DTHD1: variants seen among roughly 807,000 people sequenced by gnomAD.
DTHD1 encodes the protein death domain-containing protein 1.
Under a neutral mutation model 74.8 loss-of-function variants are expected in DTHD1, and 59 were observed. The ratio of observed to expected loss-of-function variants is 0.79; its 90% CI spans 0.64 to 0.98. DTHD1 has a LOEUF of 0.98. Among genes scored for constraint, DTHD1 ranks in the 50% least tolerant of loss-of-function variants. The pLI, the probability that DTHD1 is intolerant of heterozygous loss-of-function variation, is 0.00. For missense variants in DTHD1, 1,051 were observed against 1,065.4 expected (o/e 0.99, Z 0.19); for synonymous variants, 365 against 371.1 (o/e 0.98, Z 0.19).
chr4:36,328,437 G>A (rs894071460), intron 8 of DTHD1, among the ~76,000 whole-genome samples: 2 of 152,152 alleles, frequency 1.3e-5, no homozygotes, highest in Non-Finnish European at 2.9e-5. Context: ...CTGGTACTAC[G>A]ATCTTTTAAT....
chr4:36,286,709 T>C (rs1755734886), intron 2 of DTHD1, among the ~76,000 whole-genome samples: 1 of 152,246 alleles, frequency 6.6e-6, no homozygotes, highest in South Asian at 2.1e-4. Context: ...TATAGCCTAC[T>C]GCACGCTTAG....
intron 2 of DTHD1, among the ~76,000 whole-genome samples, chr4:36,286,064 T>C (rs929133820): frequency 3.9e-5 from 6 of 152,182 alleles, no homozygotes; most frequent in African/African-American, 7.2e-5. Flanking sequence ...GCCCATAAAA[T>C]GAAGAGGTGG....
chr4:36,322,999 G>A (rs1758129006), intron 8 of DTHD1, among the ~76,000 whole-genome samples: 1 of 152,164 alleles, frequency 6.6e-6, no homozygotes, highest in Non-Finnish European at 1.5e-5. Flanking sequence ...AACTTGGGTT[G>A]TGACTGCTTT....
rs1205367941 is a variant in DTHD1 at position 36,343,858 on chromosome 4, A to G, written c.*34A>G. On this transcript the variant is annotated 3_prime_UTR_variant, in exon 10 of 10. Transcript: ENST00000639862. ...TCTCTCTTCCTTTACCCCTAGGAAA[A>G]GGCACACGGTGGGTTTTTGTTTCTG... The G allele has an allele frequency of 6.7e-7, 1 of 1,497,072 alleles. No individual in the cohort carries two copies. Among genetic ancestry groups the G allele is most frequent in the Non-Finnish European group, 8.9e-7 (1 of 1,121,716 alleles). 92.7% of individuals were successfully genotyped at this position (1,497,072 alleles called of 1,614,324 possible). A position where few individuals can be genotyped will look rare whatever the true frequency, so the allele number is the denominator to read the frequency against.
chr4:36,284,619 T>G, intron 2 of DTHD1, 28 bp downstream of exon 2: 1 of 1,431,488 alleles, frequency 7.0e-7, no homozygotes, highest in Non-Finnish European at 9.3e-7. Context: ...GGGAAGTGCT[T>G]AAGTATGCCT....
In DTHD1 at chr4:36,344,117, G is replaced by C; in HGVS notation, c.*293G>C. On this transcript the variant is annotated 3_prime_UTR_variant, in exon 10 of 10. Transcript: ENST00000639862. ...AGTTTGACTTGTTCACATTTTAAAA[G>C]CTAAGTGTGAAGAAAAGATCTGATA... is the stretch of plus-strand genomic sequence containing the variant. 3.3e-6 allele frequency: 1 copy of C among 307,160 alleles called. No individual in the cohort carries two copies. The highest frequency in any genetic ancestry group is 6.0e-5 in the East Asian group (1 of 16,562). The allele number at this position is 307,160 out of a possible 1,614,324, so 19.0% of individuals were successfully genotyped here. A position where few individuals can be genotyped will look rare whatever the true frequency, so the allele number is the denominator to read the frequency against.
chr4:36,287,210 TAAGC>T (rs1398968070), intron 2 of DTHD1, among the ~76,000 whole-genome samples: 2 of 152,196 alleles, frequency 1.3e-5, no homozygotes, highest in East Asian at 3.8e-4. Flanking sequence ...CTCCCACTTG[TAAGC>T]GAGAAAATAA....
At chr4:36,330,615 T>G (rs1322006811) in intron 8 of DTHD1, among the ~76,000 whole-genome samples, 1 of 152,138 alleles carries the variant, frequency 6.6e-6, no homozygotes, top group Non-Finnish European at 1.5e-5. Context: ...TATTATTTAT[T>G]GTTAGAGCTT....
At chr4:36,334,348 A>AT (rs1193554791) in intron 8 of DTHD1, among the ~76,000 whole-genome samples, 241 of 120,112 alleles carry the variant, frequency 2.0e-3, no homozygotes, top group African/African-American at 7.2e-3. Context: ...GCCTACTTTT[A>AT]TTTTTTTTGG....
intron 2 of DTHD1, among the ~76,000 whole-genome samples, chr4:36,289,469 A>G (rs1305998174): frequency 1.3e-5 from 2 of 152,140 alleles, no homozygotes; most frequent in Non-Finnish European, 2.9e-5. Flanking sequence ...AGATGGAGCC[A>G]ATTATCTGGT....
At chr4:36,284,658 C>T (rs1414301065) in intron 2 of DTHD1, 67 bp downstream of exon 2, 4 of 1,217,394 alleles carry the variant, frequency 3.3e-6, no homozygotes, top group Non-Finnish European at 4.4e-6. Flanking sequence ...ATAGTTAGTA[C>T]ATGTCTTAGT....
At chr4:36,330,153 GA>G (rs1444863982) in intron 8 of DTHD1, among the ~76,000 whole-genome samples, 3 of 152,142 alleles carry the variant, frequency 2.0e-5, no homozygotes, top group Admixed American at 6.5e-5. Context: ...AGGCACAAGA[GA>G]TTACTTTGCT....
chr4:36,303,601 T>C (rs1756892961), intron 5 of DTHD1, among the ~76,000 whole-genome samples: 1 of 150,318 alleles, frequency 6.7e-6, no homozygotes, highest in South Asian at 2.1e-4. Context: ...TCTAAGTTCG[T>C]AGAAAAGAGG....
intron 8 of DTHD1, among the ~76,000 whole-genome samples, chr4:36,337,740 T>C (rs549867697): frequency 8.5e-5 from 13 of 152,356 alleles, no homozygotes; most frequent in Non-Finnish European, 1.8e-4. Flanking sequence ...AGGATGCCTA[T>C]AAAATATGAT....
At chr4:36,338,708 G>T (rs1196325348) in intron 8 of DTHD1, among the ~76,000 whole-genome samples, 1 of 152,056 alleles carries the variant, frequency 6.6e-6, no homozygotes, top group Non-Finnish European at 1.5e-5. Context: ...TAACCTGTTA[G>T]GTGCCAGGTT....
intron 4 of DTHD1, among the ~76,000 whole-genome samples, chr4:36,294,247 T>C (rs1370365960): frequency 6.6e-6 from 1 of 152,034 alleles, no homozygotes; most frequent in African/African-American, 2.4e-5. Flanking sequence ...TCTACCCTCA[T>C]TCCCCTCCCA....
chr4:36,325,537 G>A (rs1483198473), intron 8 of DTHD1, among the ~76,000 whole-genome samples: 1 of 152,180 alleles, frequency 6.6e-6, no homozygotes, highest in African/African-American at 2.4e-5. Context: ...GTCCACAGAA[G>A]ACAGTGTGAT....
At chr4:36,320,492 T>C (rs1757980659) in intron 8 of DTHD1, among the ~76,000 whole-genome samples, 1 of 152,250 alleles carries the variant, frequency 6.6e-6, no homozygotes, top group African/African-American at 2.4e-5. Context: ...TTTAAACTTC[T>C]GCTGTCTTTC....
At position 36,282,019 on chromosome 4, in the gene DTHD1, C is replaced by A; in HGVS notation, c.261C>A (p.Val87=). The A allele has an allele frequency of 1.3e-6, 2 of 1,523,014 alleles. No homozygotes were observed. The highest frequency in any genetic ancestry group is 1.3e-5 in the South Asian group (1 of 79,572). The allele number at this position is 1,523,014 out of a possible 1,614,324, so 94.3% of individuals were successfully genotyped here. ...HVLLDKENQC[V]SRKEIITFID... is the part of the protein sequence containing the mutation. ...TGCTTGACAAAGAGAATCAATGTGT[C>A]TCGAGAAAAGGCAAGTATTCTTTTT... The change falls in exon 1 of 10, where the codon GTC becomes GTA. Residue 87 remains valine (V), a synonymous_variant. Transcript: ENST00000639862.
Sources: gnomAD v4.1 joint callset for allele counts (sites outside exome capture counted in the v4.1 genomes callset) on GRCh38, gnomAD v4.1.1 for gene constraint, MANE v1.5 for transcripts, NCBI Gene and HGNC (gene_info 2026-07-23, HGNC 2026-07-21) for gene names.